The following KANTR variants were observed in gnomAD, a reference collection of about 807,000 sequenced individuals.
KANTR encodes the protein KANTR integral membrane protein, also known as KDM5C adjacent transcript.
At chrX:53,130,266 G>A (rs193151308), downstream of KANTR, among the ~76,000 whole-genome samples, 3 of 112,461 alleles carry the variant, frequency 2.7e-5, no homozygotes, top group Non-Finnish European at 1.9e-5. Context: ...GATAACACAG[G>A]CATGACATAT....
At chrX:53,128,324 A>C (rs140604279), downstream of KANTR, among the ~76,000 whole-genome samples, 106 of 111,851 alleles carry the variant, frequency 9.5e-4, 5 homozygotes, top group East Asian at 0.028. Flanking sequence ...CCGTAATTTC[A>C]GGGCAGTGTG....
At chrX:53,104,371 C>T (rs981143197) in intron 2 of KANTR, among the ~76,000 whole-genome samples, 13 of 109,862 alleles carry the variant, frequency 1.2e-4, no homozygotes, top group Non-Finnish European at 2.1e-4. Flanking sequence ...GGATTACAGG[C>T]GCACACCACC....
chrX:53,099,483 A>T (rs1932872179), exon 2 of KANTR: 2 of 111,804 alleles, frequency 1.8e-5, no homozygotes. Context: ...TGCTTCCTCT[A>T]CTGAAGTCTT....
intron 2 of KANTR, among the ~76,000 whole-genome samples, chrX:53,140,500 CAA>C (rs782805364): frequency 1.2e-3 from 52 of 42,455 alleles, no homozygotes; most frequent in African/African-American, 3.6e-3. Context: ...GACTCTGTCT[CAA>C]AAAAAAAAAA....
rs146562612 is a variant in KANTR, at chrX:53,105,137, G to A, written c.-805+5529G>A. On this transcript the variant is annotated intron_variant, in intron 2 of 2. Coordinates refer to ENST00000604062, the Ensembl canonical transcript of KANTR. ...TGGGCTCAAGAGATCTGCCCTCCTC[G>A]CCTCCCAAAGTGCTGAGATGATAGG... 3.8e-3 allele frequency among the ~76,000 whole-genome samples: 424 copies of A among 110,973 alleles called. 6 individuals are homozygous for A. Among genetic ancestry groups the A allele is most frequent in the African/African-American group, 0.013 (405 of 30,483 alleles).
intron 1 of KANTR, among the ~76,000 whole-genome samples, chrX:53,096,227 C>T (rs1932844068): frequency 8.9e-6 from 1 of 111,855 alleles, no homozygotes; most frequent in Non-Finnish European, 1.9e-5. Context: ...CTGACTCTCC[C>T]ACTCAATTAT....
chrX:53,112,766 T>A (rs1478879846), intron 2 of KANTR, among the ~76,000 whole-genome samples: 2 of 111,606 alleles, frequency 1.8e-5, no homozygotes, highest in Non-Finnish European at 3.8e-5. Context: ...ATATTTTGTA[T>A]CTTTCTCCAA....
exon 3 of KANTR, chrX:53,125,802 A>G (rs1933286874): frequency 9.1e-6 from 1 of 110,142 alleles, no homozygotes; most frequent in Non-Finnish European, 1.9e-5. Context: ...ACTTACATGC[A>G]TACATTCTTG....
intron 2 of KANTR, among the ~76,000 whole-genome samples, chrX:53,108,006 C>T (rs1189850921): frequency 1.8e-5 from 2 of 109,184 alleles, no homozygotes; most frequent in Middle Eastern, 4.7e-3. Flanking sequence ...TCTCCTGCCT[C>T]AGCCTCCAGA....
chrX:53,110,872 G>A (rs1439502013), intron 2 of KANTR, among the ~76,000 whole-genome samples: 12 of 107,920 alleles, frequency 1.1e-4, no homozygotes, highest in Middle Eastern at 4.8e-3. Flanking sequence ...GCAATGAGCC[G>A]AGATTGCGCC....
At chrX:53,117,869 T>C (rs1444201449) in intron 2 of KANTR, among the ~76,000 whole-genome samples, 2 of 110,343 alleles carry the variant, frequency 1.8e-5, no homozygotes, top group African/African-American at 6.6e-5. Flanking sequence ...ATCCACCTGC[T>C]TCGGCCTCCC....
At chrX:53,145,814 G>A (rs782428014), downstream of KANTR, among the ~76,000 whole-genome samples, 19 of 112,109 alleles carry the variant, frequency 1.7e-4, no homozygotes, top group South Asian at 5.6e-3. Context: ...CCAGAGGAAT[G>A]ATCAGGCAGC....
chrX:53,100,813 A>G (rs1354809497), intron 2 of KANTR, among the ~76,000 whole-genome samples: 2 of 112,754 alleles, frequency 1.8e-5, no homozygotes, highest in Non-Finnish European at 3.7e-5. Context: ...AACAAAAAGA[A>G]AAAGAAAATC....
intron 2 of KANTR, among the ~76,000 whole-genome samples, chrX:53,115,106 A>G (rs1933102579): frequency 8.9e-6 from 1 of 111,870 alleles, no homozygotes; most frequent in African/African-American, 3.2e-5. Flanking sequence ...GCAGGCCTAG[A>G]GTCTGTGTCT....
chrX:53,137,238 C>T (rs1203585010), intron 2 of KANTR, among the ~76,000 whole-genome samples: 1 of 111,725 alleles, frequency 9.0e-6, no homozygotes, highest in Non-Finnish European at 1.9e-5. Flanking sequence ...ACCTACAAAA[C>T]CCACTGGGGT....
chrX:53,115,585 G>A, intron 2 of KANTR, among the ~76,000 whole-genome samples: 1 of 113,244 alleles, frequency 8.8e-6, no homozygotes, highest in Non-Finnish European at 1.9e-5. Context: ...CTGGAGGCTC[G>A]GTCTGCAGGT....
At chrX:53,134,906 T>C (rs1464709340) in intron 2 of KANTR, among the ~76,000 whole-genome samples, 1 of 111,905 alleles carries the variant, frequency 8.9e-6, no homozygotes, top group Non-Finnish European at 1.9e-5. Flanking sequence ...ATAAATCTGA[T>C]TGATCCAAAC....
exon 3 of KANTR, chrX:53,124,191 G>C (rs188839953): frequency 3.4e-6 from 1 of 292,709 alleles, no homozygotes; most frequent in Admixed American, 6.2e-5. Flanking sequence ...AGTTTTCTAG[G>C]AGTTGGTCCA....
At chrX:53,127,170 G>A (rs1933299695) in exon 3 of KANTR, 1 of 112,307 alleles carries the variant, frequency 8.9e-6, no homozygotes, top group East Asian at 2.8e-4. Context: ...CACCTCCCTA[G>A]AGAAGTGTTT....
Sources: allele counts gnomAD v4.1 joint callset (sites outside exome capture counted in the v4.1 genomes callset), GRCh38; gene constraint gnomAD v4.1.1; transcripts MANE v1.5; gene names NCBI Gene and HGNC (gene_info 2026-07-23, HGNC 2026-07-21).